YDJC: variants seen among roughly 807,000 people sequenced by gnomAD.
YDJC encodes the protein carbohydrate deacetylase.
YDJC carries 23 observed loss-of-function variants against 18.9 expected under a neutral mutation model. The observed-to-expected ratio is 1.22, with a 90% CI of 0.87 to 1.72. The LOEUF is 1.72. Ranked by LOEUF, YDJC falls within the 40% of genes most tolerant of loss-of-function variation. The pLI, the probability that YDJC is intolerant of heterozygous loss-of-function variation, is 0.00. For missense variants in YDJC, 467 were observed against 470.8 expected, an observed-to-expected ratio of 0.99 and a Z score of 0.07; for synonymous variants, 224 against 217.6, an observed-to-expected ratio of 1.03 and a Z score of -0.26.
chr22:21,629,146 C>A lies in YDJC; in HGVS notation c.466G>T (p.Val156Leu). Residue 156 changes from valine to leucine, a missense_variant, in exon 4 of 5, where the codon GTG (valine) becomes TTG (leucine). Transcript: ENST00000292778. ...TCCAGCGGCAGTCGCGTAAAGCGCA[C>A]CCCATAGGCCTGCAGCGCCTCGGCG... ...VFAEALQAYGVRFTRLPLERG... is the reference protein window; with the variant it reads ...VFAEALQAYGLRFTRLPLERG... The A allele has an allele frequency of 6.5e-7, 1 of 1,540,386 alleles. No homozygotes were observed. The highest frequency in any genetic ancestry group is 8.7e-7 in the Non-Finnish European group (1 of 1,146,234).
rs573277186 is a variant in YDJC at position 21,629,846 on chromosome 22, C to G, written c.164+5G>C. Reference sequence around the variant, plus strand: ...TCGCCGCCCTGCTAGAGGCCCTCCCCTCACCTGCGGGCCAGCTCCGCCGCG... The same window carrying G: ...TCGCCGCCCTGCTAGAGGCCCTCCCGTCACCTGCGGGCCAGCTCCGCCGCG... On this transcript the variant is annotated splice_donor_5th_base_variant and intron_variant, in intron 1 of 4. Coordinates refer to ENST00000292778, the MANE Select transcript of YDJC (RefSeq NM_001017964.2). 2.1e-4 allele frequency: 323 copies of G among 1,547,106 alleles called. 1 individual carries two copies. The highest frequency in any genetic ancestry group is 8.8e-4 in the Middle Eastern group (4 of 4,532).
Position 21,628,319 on chromosome 22 carries a change from G to T in YDJC, c.*99C>A. The T allele has an allele frequency of 7.0e-7, 1 of 1,437,470 alleles. No homozygotes were observed. Among genetic ancestry groups the T allele is most frequent in the Non-Finnish European group, 9.2e-7 (1 of 1,084,284 alleles). The allele number at this position is 1,437,470 out of a possible 1,614,324, so 89.0% of individuals were successfully genotyped here. A position where few individuals can be genotyped will look rare whatever the true frequency, so the allele number is the denominator to read the frequency against. On this transcript the variant is annotated 3_prime_UTR_variant, in exon 5 of 5. Coordinates refer to ENST00000292778, the MANE Select transcript of YDJC (RefSeq NM_001017964.2). ...AGTGTCCTACCCAGGGAAGTCAACA[G>T]ATCGTGCTCCAGGTCCCAGCTCTGG...
At position 21,628,639 on chromosome 22, in the gene YDJC, C is replaced by T. The variant is rs1930338060; in HGVS notation, c.751G>A (p.Val251Met). 1.3e-6 allele frequency: 2 copies of T among 1,588,994 alleles called. No homozygotes were observed. The highest frequency in any genetic ancestry group is 1.7e-4 in the Middle Eastern group (1 of 5,974). Residue 251 changes from valine to methionine, a missense_variant, in exon 5 of 5, where the codon GTG becomes ATG. By Grantham distance (21) the Val-to-Met change is conservative. Transcript: ENST00000292778. ...TCACCGCAGCCGCCGGTGGGAGGCACACTGGGGTAGCCGGGGTGCGCCATC... is the reference window on the plus strand; with the variant it reads ...TCACCGCAGCCGCCGGTGGGAGGCATACTGGGGTAGCCGGGGTGCGCCATC... ...ELMAHPGYPS[V>M]PPTGGCGEGP...
chr22:21,629,323 C>A lies in YDJC; in HGVS notation c.409G>T (p.Val137Leu), dbSNP rs1289528726. 6.4e-7 allele frequency: 1 copy of A among 1,550,514 alleles called. No homozygotes were observed. The change falls in exon 3 of 5, where the codon GTG becomes TTG. Residue 137 changes from valine to leucine, a missense_variant. Coordinates refer to ENST00000292778, the MANE Select transcript of YDJC (RefSeq NM_001017964.2). ...AACCACGCACCTGGGAGCACGTGCA[C>A]GTGCTGGTGCCCGTCCGCGTGCGTG... ...APTHADGHQH[V>L]HVLPGVCQVF...
chr22:21,628,291 G>A lies in YDJC; in HGVS notation c.*127C>T. On this transcript the variant is annotated 3_prime_UTR_variant, in exon 5 of 5. Coordinates refer to ENST00000292778, the MANE Select transcript of YDJC (RefSeq NM_001017964.2). ...GGCATGAGGACCTGAGCCCAGAGGT[G>A]GCAGTGTCCTACCCAGGGAAGTCAA... The A allele has an allele frequency of 7.8e-7, 1 of 1,289,116 alleles. No individual in the cohort carries two copies. Among genetic ancestry groups the A allele is most frequent in the Non-Finnish European group, 1.0e-6 (1 of 971,000 alleles). The allele number at this position is 1,289,116 out of a possible 1,614,324, so 79.9% of individuals were successfully genotyped here.
rs1348032338 is a variant in YDJC at position 21,629,186 on chromosome 22, G to A, written c.426C>T (p.Gly142=). The A allele has an allele frequency of 2.6e-6, 4 of 1,543,640 alleles. No individual in the cohort carries two copies. Among genetic ancestry groups the A allele is most frequent in the South Asian group, 1.2e-5 (1 of 83,878 alleles). Residue 142 remains glycine (G), a splice_region_variant and synonymous_variant, in exon 4 of 5, where the codon GGC becomes GGT. Coordinates refer to ENST00000292778, the MANE Select transcript of YDJC (RefSeq NM_001017964.2). ...GCGCCTCGGCGAACACCTGGCACAC[G>A]CCTGCGGGCGGAGCGGGTCAGGGAG... The part of the protein sequence containing the change: ...DGHQHVHVLP[G]VCQVFAEALQ...
chr22:21,629,441 G>T, intron 2 of YDJC, 34 bp from the exon 3 acceptor site: 4 of 1,538,192 alleles, frequency 2.6e-6, no homozygotes, highest in South Asian at 1.2e-5. Context: ...TTGAGCGACC[G>T]GGAGTAGCTG....
In YDJC at chr22:21,629,746, C is replaced by G. The variant is rs968691630; in HGVS notation, c.180G>C (p.Thr60=). The change falls in exon 2 of 5, where the codon ACG becomes ACC. Residue 60 remains threonine (T), a synonymous_variant. Transcript: ENST00000292778. ...AELARRHSIP[T]GLHANLSEGR... is the part of the protein sequence containing the mutation. ...CCTCGGACAGGTTGGCGTGGAGGCC[C>G]GTGGGGATGCTGTGCCTGAGGGCGG... 1.5e-5 allele frequency: 23 copies of G among 1,524,012 alleles called. No homozygotes were observed. Among genetic ancestry groups the G allele is most frequent in the Non-Finnish European group, 1.8e-5 (20 of 1,138,070 alleles). 94.4% of individuals were successfully genotyped at this position (1,524,012 alleles called of 1,614,324 possible). A position where few individuals can be genotyped will look rare whatever the true frequency, so the allele number is the denominator to read the frequency against.
In YDJC at chr22:21,628,932, G is replaced by C. The variant is rs987490984; in HGVS notation, c.602+78C>G. 2.4e-5 allele frequency: 35 copies of C among 1,429,784 alleles called. 1 individual carries two copies. Among genetic ancestry groups the C allele is most frequent in the Non-Finnish European group, 2.9e-5 (32 of 1,095,234 alleles). 88.6% of individuals were successfully genotyped at this position (1,429,784 alleles called of 1,614,324 possible). ...CAGACTCGCTTCCGGGTTGAGAAAC[G>C]GACACAGCTAGCCAGGTGAACAGCC... is the stretch of plus-strand genomic sequence containing the variant. On this transcript the variant is annotated intron_variant, in intron 4 of 4. Transcript: ENST00000292778.
At position 21,629,023 on chromosome 22, in the gene YDJC, G is replaced by A. The variant is rs1289976057; in HGVS notation, c.589C>T (p.Arg197Cys). The change falls in exon 4 of 5, where the codon CGC becomes TGC. Residue 197 changes from arginine (R) to cysteine (C), a missense_variant. Transcript: ENST00000292778. ...DARAAVGPFSRHGLRWTDAFV... is the reference protein window; with the variant it reads ...DARAAVGPFSCHGLRWTDAFV... Reference sequence around the variant, plus strand: ...GGGGAGCCTCACCGCAGGCCGTGGCGGGAGAAGGGGCCCACGGCGGCCCGG... The same window carrying A: ...GGGGAGCCTCACCGCAGGCCGTGGCAGGAGAAGGGGCCCACGGCGGCCCGG... 3.4e-6 allele frequency: 5 copies of A among 1,477,208 alleles called. No homozygotes were observed. Among genetic ancestry groups the A allele is most frequent in the Non-Finnish European group, 4.4e-6 (5 of 1,123,600 alleles). The allele number at this position is 1,477,208 out of a possible 1,614,324, so 91.5% of individuals were successfully genotyped here. A position where few individuals can be genotyped will look rare whatever the true frequency, so the allele number is the denominator to read the frequency against.
rs749866604 is a variant in YDJC at position 21,628,673 on chromosome 22, T to C, written c.717A>G (p.Thr239=). 9 of 1,564,134 alleles carry C rather than the reference T, an allele frequency of 5.8e-6. No individual in the cohort carries two copies. The South Asian group carries it at 9.2e-5, about 16-fold the overall frequency. Reference sequence around the variant, plus strand: ...AGCCGGGGTGCGCCATCAGCTCGGCTGTCAGGGTGTGGCCCGCTAGGGTAC... The same window carrying C: ...AGCCGGGGTGCGCCATCAGCTCGGCCGTCAGGGTGTGGCCCGCTAGGGTAC... ...LEGTLAGHTL[T]AELMAHPGYP... Residue 239 remains threonine (T), a synonymous_variant, in exon 5 of 5, where the codon ACA becomes ACG. Coordinates refer to ENST00000292778, the MANE Select transcript of YDJC (RefSeq NM_001017964.2).
In YDJC at chr22:21,629,898, C is replaced by CAGGG; in HGVS notation, c.113_116dup (p.Leu40ProfsTer221). The CAGGG allele has an allele frequency of 6.3e-7, 1 of 1,594,890 alleles. No individual in the cohort carries two copies. Among genetic ancestry groups the CAGGG allele is most frequent in the Non-Finnish European group, 8.5e-7 (1 of 1,174,942 alleles). ...TCTCCGTGGCCGCACCGTTGACCAG[C>CAGGG]AGGGACACGCTGGTCACAGCCCCGG... On this transcript the variant is annotated frameshift_variant, in exon 1 of 5. Coordinates refer to ENST00000292778, the MANE Select transcript of YDJC (RefSeq NM_001017964.2). LOFTEE classifies it high-confidence loss of function.
Position 21,628,549 on chromosome 22 carries a change from T to TGGGCGCGGTGAGGACGC in YDJC, c.824_840dup (p.Thr281AlafsTer58), listed in dbSNP as rs748974587. On this transcript the variant is annotated frameshift_variant, in exon 5 of 5. Transcript: ENST00000292778. LOFTEE classifies it low-confidence loss of function (END_TRUNC). ...TCCTGGGCAAGCTGGGCCCGCAGCG[T>TGGGCGCGGTGAGGACGC]GGGCGCGGTGAGGACGCGCAGCTCA... is the stretch of plus-strand genomic sequence containing the variant. The TGGGCGCGGTGAGGACGC allele has an allele frequency of 6.2e-7, 1 of 1,611,500 alleles. No homozygotes were observed. The highest frequency in any genetic ancestry group is 1.1e-5 in the South Asian group (1 of 90,952).
rs1039108616 is a variant in YDJC, at chr22:21,629,597, C to G, written c.324+5G>C. The G allele has an allele frequency of 6.2e-7, 1 of 1,612,492 alleles. No individual in the cohort carries two copies. Among genetic ancestry groups the G allele is most frequent in the African/African-American group, 1.3e-5 (1 of 74,946 alleles). On this transcript the variant is annotated splice_donor_5th_base_variant and intron_variant, in intron 2 of 4. Coordinates refer to ENST00000292778, the MANE Select transcript of YDJC (RefSeq NM_001017964.2). Reference sequence around the variant, plus strand: ...GAGCATCCTCCTGTAGCTGCGGCTCCGCACCTGAGGCAAATCCACGTCTCC... The same window carrying G: ...GAGCATCCTCCTGTAGCTGCGGCTCGGCACCTGAGGCAAATCCACGTCTCC...
chr22:21,629,657 AG>A lies in YDJC; in HGVS notation c.268del (p.Gly91AlafsTer27). 2 of 1,612,248 alleles carry A rather than the reference AG, an allele frequency of 1.2e-6. No homozygotes were observed. The highest frequency in any genetic ancestry group is 1.7e-6 in the Non-Finnish European group (2 of 1,179,840). On this transcript the variant is annotated frameshift_variant, in exon 2 of 5. Coordinates refer to ENST00000292778, the MANE Select transcript of YDJC (RefSeq NM_001017964.2). LOFTEE classifies it high-confidence loss of function. The stretch of plus-strand genomic sequence containing the variant: ...CGCCTCCCGGAATCCCATCTTGCCA[AG>A]GAAGAAGCCTTCCGGGCCGAGCAGC... ...SSLLGPEGFFLGKMGFREAVA... is the reference protein window; with the variant it reads ...SSLLGPEGFFXGKMGFREAVA...
chr22:21,628,916 T>C, intron 4 of YDJC, 94 bp downstream of exon 4: 1 of 1,427,658 alleles, frequency 7.0e-7, no homozygotes, highest in East Asian at 2.5e-5. Flanking sequence ...CCAGACTCGC[T>C]TCCGGGTTGA....
At position 21,629,883 on chromosome 22, in the gene YDJC, C is replaced by G. The variant is rs751079480; in HGVS notation, c.132G>C (p.Ala44=). 5.7e-6 allele frequency: 9 copies of G among 1,586,402 alleles called. No individual in the cohort carries two copies. In the East Asian group the frequency reaches 1.9e-4, roughly 33 times the overall value. ...VTSVSLLVNG[A]ATESAAELAR... ...CCAGCTCCGCCGCGCTCTCCGTGGC[C>G]GCACCGTTGACCAGCAGGGACACGC... Residue 44 remains alanine (A), a synonymous_variant, in exon 1 of 5, where the codon GCG becomes GCC. Coordinates refer to ENST00000292778, the MANE Select transcript of YDJC (RefSeq NM_001017964.2).
chr22:21,628,826 G>A, intron 4 of YDJC, 39 bp from the exon 5 acceptor site: 1 of 1,265,640 alleles, frequency 7.9e-7, no homozygotes, highest in Non-Finnish European at 1.0e-6. Flanking sequence ...ACCAGGCCGG[G>A]CCATGGCCAA....
At chr22:21,629,805 G>A (rs1473451640) in intron 1 of YDJC, 44 bp from the exon 2 acceptor site, 3 of 1,474,108 alleles carry the variant, frequency 2.0e-6, no homozygotes, top group Non-Finnish European at 2.7e-6. Context: ...CCGCGGAGCC[G>A]CGCGCCCCAA....
Sources: allele counts gnomAD v4.1 joint callset, GRCh38; gene constraint gnomAD v4.1.1; transcripts MANE v1.5; gene names NCBI Gene and HGNC (gene_info 2026-07-23, HGNC 2026-07-21).